Variants in RBFOX3 observed in about 807,000 individuals in gnomAD.
RBFOX3 encodes RNA binding protein fox-1 homolog 3.
RBFOX3 carries 17 observed loss-of-function variants against 48.7 expected under a neutral mutation model. The observed-to-expected ratio is 0.35, with a 90% CI of 0.24 to 0.52. The LOEUF is 0.52. Ranked by LOEUF, RBFOX3 falls within the 20% of genes least tolerant of loss-of-function variation. The probability of loss-of-function intolerance (pLI) is 0.94; values close to 1 mark genes in which losing one functional copy is unlikely to be tolerated. For missense variants in RBFOX3, 382 were observed against 497.5 expected, an observed-to-expected ratio of 0.77 and a Z score of 2.21; for synonymous variants, 212 against 209.5, an observed-to-expected ratio of 1.01 and a Z score of -0.10.
At chr17:79,324,853 C>A (rs1598266395) in intron 2 of RBFOX3, among the ~76,000 whole-genome samples, 1 of 152,196 alleles carries the variant, frequency 6.6e-6, no homozygotes, top group Non-Finnish European at 1.5e-5. Context: ...GGCAGAGAAG[C>A]AGGAAGAGGG....
chr17:79,187,855 G>A (rs1329486676), intron 4 of RBFOX3, among the ~76,000 whole-genome samples: 5 of 152,108 alleles, frequency 3.3e-5, no homozygotes, highest in African/African-American at 1.2e-4. Context: ...CAGACACCAT[G>A]GGGGAAGGTC....
intron 2 of RBFOX3, among the ~76,000 whole-genome samples, chr17:79,450,154 G>A (rs1331829343): frequency 1.3e-5 from 2 of 152,180 alleles, no homozygotes; most frequent in Admixed American, 6.5e-5. Flanking sequence ...CTCTCAACAT[G>A]GATGCCAGAC....
intron 4 of RBFOX3, among the ~76,000 whole-genome samples, chr17:79,148,738 C>G (rs1424458911): frequency 2.0e-5 from 3 of 152,238 alleles, no homozygotes; most frequent in Non-Finnish European, 4.4e-5. Context: ...GAAGCACAGG[C>G]CACAGAGTCT....
At chr17:79,193,171 C>T (rs1599900223) in intron 4 of RBFOX3, among the ~76,000 whole-genome samples, 1 of 152,364 alleles carries the variant, frequency 6.6e-6, no homozygotes, top group Non-Finnish European at 1.5e-5. Context: ...TCCTCCAAAG[C>T]ACCTTTTATA....
chr17:79,618,359 G>T, the RBFOX3 span, among the ~76,000 whole-genome samples: 1 of 152,088 alleles, frequency 6.6e-6, no homozygotes, highest in Non-Finnish European at 1.5e-5. Context: ...GACGTGAGCC[G>T]TATCTCTGAG....
chr17:79,557,387 G>A (rs1489151529), intron 1 of RBFOX3, among the ~76,000 whole-genome samples: 3 of 122,248 alleles, frequency 2.5e-5, no homozygotes, highest in African/African-American at 9.2e-5. Context: ...CCATGGAGAA[G>A]CCAACAAGGG....
Position 79,481,050 on chromosome 17 carries a change from G to A in RBFOX3, c.-175+1404C>T, listed in dbSNP as rs1646886052. The stretch of plus-strand genomic sequence containing the variant: ...CCAAGGAGCCCTGGAGCAGAGAAGA[G>A]CACCCATGGCCTTCACCAGAGAGAA... On this transcript the variant is annotated intron_variant, in intron 2 of 14. Coordinates refer to ENST00000693108, the MANE Select transcript of RBFOX3 (RefSeq NM_001350451.2). The surrounding 1 kb of genome is among the most constrained non-coding windows in gnomAD (Gnocchi z 5.4). 6.6e-6 allele frequency among the ~76,000 whole-genome samples: 1 copy of A among 152,188 alleles called. No homozygotes were observed. Among genetic ancestry groups the A allele is most frequent in the Admixed American group, 6.5e-5 (1 of 15,284 alleles).
At chr17:79,432,527 T>C (rs1378365723) in intron 2 of RBFOX3, among the ~76,000 whole-genome samples, 2 of 152,238 alleles carry the variant, frequency 1.3e-5, no homozygotes, top group Admixed American at 6.5e-5. Context: ...CTTTTATTTG[T>C]GTGCAACCTG....
At chr17:79,600,410 C>A (rs2093679244) in intron 1 of RBFOX3, 1 of 152,246 alleles carries the variant, frequency 6.6e-6, no homozygotes, top group African/African-American at 2.4e-5. Context: ...CGCACCTGTG[C>A]ACACATACAT....
At chr17:79,219,889 C>G (rs1204605010) in intron 4 of RBFOX3, among the ~76,000 whole-genome samples, 1 of 151,912 alleles carries the variant, frequency 6.6e-6, no homozygotes, top group Non-Finnish European at 1.5e-5. Flanking sequence ...GCTAGTGTAT[C>G]CCCTGCCGGG....
intron 4 of RBFOX3, 62 bp from the exon 5 acceptor site, chr17:79,115,810 GA>G: frequency 1.7e-6 from 1 of 588,616 alleles, no homozygotes. Context: ...AGCCCCTGAG[GA>G]TGGGGCCTTG....
chr17:79,566,254 C>T (rs934764170), intron 1 of RBFOX3, among the ~76,000 whole-genome samples: 41 of 152,200 alleles, frequency 2.7e-4, no homozygotes, highest in Non-Finnish European at 8.8e-5. Flanking sequence ...TGAATGAGCC[C>T]TCCCTTTGCG....
chr17:79,316,149 C>T (rs917282241), intron 2 of RBFOX3, among the ~76,000 whole-genome samples: 10 of 150,010 alleles, frequency 6.7e-5, no homozygotes, highest in Admixed American at 5.3e-4. Flanking sequence ...AGAGGCTGCG[C>T]GGAAGAGGAG....
chr17:79,495,136 C>T (rs972731291), intron 1 of RBFOX3, among the ~76,000 whole-genome samples: 74 of 151,884 alleles, frequency 4.9e-4, no homozygotes, highest in African/African-American at 1.6e-3. Context: ...TCCTGTTTCC[C>T]GGTCCCCTCG....
intron 4 of RBFOX3, among the ~76,000 whole-genome samples, chr17:79,213,394 G>A (rs1384180047): frequency 6.6e-6 from 1 of 152,134 alleles, no homozygotes; most frequent in Non-Finnish European, 1.5e-5. Context: ...TCCAGGCCTC[G>A]CGTCAAGTCC....
chr17:79,184,736 C>A (rs1449745614), intron 4 of RBFOX3, among the ~76,000 whole-genome samples: 2 of 152,224 alleles, frequency 1.3e-5, no homozygotes, highest in Non-Finnish European at 2.9e-5. Context: ...ACTTGTGACT[C>A]CCCTCCTCTC....
In RBFOX3 at chr17:79,218,521, C is replaced by T. The variant is rs183519591; in HGVS notation, c.-34+17245G>A. Among the ~76,000 whole-genome samples, 571 of 152,302 alleles carry T rather than the reference C, an allele frequency of 3.7e-3. 5 individuals are homozygous for T. Among genetic ancestry groups the T allele is most frequent in the African/African-American group, 0.013 (531 of 41,574 alleles). ...CGAGCGTGGCTGAGGACAGGCAGAG[C>T]CCCTGCTGGGGAGAGGGGGAGTTCT... On this transcript the variant is annotated intron_variant, in intron 4 of 14. Transcript: ENST00000693108.
chr17:79,345,104 C>T (rs1351512612), intron 2 of RBFOX3, among the ~76,000 whole-genome samples: 1 of 152,238 alleles, frequency 6.6e-6, no homozygotes, highest in African/African-American at 2.4e-5. Context: ...TTTTGCTGAA[C>T]TCTAAATGCT....
the RBFOX3 span, among the ~76,000 whole-genome samples, chr17:79,616,330 G>A: frequency 2.0e-5 from 3 of 152,078 alleles, no homozygotes; most frequent in Admixed American, 6.5e-5. Context: ...GAGGTCAGGA[G>A]CTCAAGACCA....
Sources: gnomAD v4.1 joint callset for allele counts (sites outside exome capture counted in the v4.1 genomes callset) on GRCh38, gnomAD v4.1.1 for gene constraint, Gnocchi (gnomAD v3.1) non-coding constraint, MANE v1.5 for transcripts, NCBI Gene and HGNC (gene_info 2026-07-23, HGNC 2026-07-21) for gene names.